The following ITPK1 variants were observed in gnomAD, a reference collection of about 807,000 sequenced individuals.
ITPK1 encodes the protein inositol 1,3,4-trisphosphate 5/6-kinase.
ITPK1 carries 21 observed loss-of-function variants against 45.3 expected under a neutral mutation model. The ratio of observed to expected loss-of-function variants is 0.46; its 90% confidence interval spans 0.33 to 0.67. ITPK1 has a LOEUF of 0.67. Among genes scored for constraint, ITPK1 ranks in the 30% least tolerant of loss-of-function variants. The probability of loss-of-function intolerance (pLI) is 0.02; values close to 1 mark genes in which losing one functional copy is unlikely to be tolerated. For missense variants in ITPK1, 474 were observed against 573.5 expected, an observed-to-expected ratio of 0.83 and a Z score of 1.77; for synonymous variants, 258 against 253.6, an observed-to-expected ratio of 1.02 and a Z score of -0.16.
intron 2 of ITPK1, among the ~76,000 whole-genome samples, chr14:93,095,597 A>C (rs1287138199): frequency 2.1e-5 from 3 of 139,884 alleles, no homozygotes; most frequent in African/African-American, 5.7e-5. Context: ...TTTTTTAATA[A>C]ATTCAACTTT....
chr14:92,997,054 C>T (rs1364579675), intron 4 of ITPK1, among the ~76,000 whole-genome samples: 2 of 152,198 alleles, frequency 1.3e-5, no homozygotes, highest in African/African-American at 4.8e-5. Flanking sequence ...CATTCTAGAA[C>T]GGGATGGACC....
At chr14:92,948,845 G>C (rs1290017641) in intron 9 of ITPK1, among the ~76,000 whole-genome samples, 4 of 124,078 alleles carry the variant, frequency 3.2e-5, no homozygotes, top group African/African-American at 1.5e-4. Flanking sequence ...CACGCTCCAA[G>C]TCCGGGCGCC....
chr14:92,957,089 C>T (rs745388993), intron 8 of ITPK1, among the ~76,000 whole-genome samples: 2 of 152,226 alleles, frequency 1.3e-5, no homozygotes, highest in East Asian at 3.9e-4. Context: ...AGAGGGCAAC[C>T]GCAGCACTGC....
At chr14:93,101,102 G>A (rs913500351) in intron 2 of ITPK1, among the ~76,000 whole-genome samples, 5 of 152,274 alleles carry the variant, frequency 3.3e-5, no homozygotes, top group Non-Finnish European at 5.9e-5. Flanking sequence ...CATCCTGGCC[G>A]GGATGGGGTC....
intron 5 of ITPK1, among the ~76,000 whole-genome samples, chr14:92,987,404 G>A (rs973913532): frequency 3.9e-5 from 6 of 152,156 alleles, no homozygotes; most frequent in Non-Finnish European, 7.3e-5. Context: ...CTGAGAGCCC[G>A]GCCAGCAGGA....
intron 4 of ITPK1, among the ~76,000 whole-genome samples, chr14:92,996,360 A>T (rs553333319): frequency 6.7e-6 from 1 of 148,506 alleles, no homozygotes; most frequent in Admixed American, 6.7e-5. Flanking sequence ...GCATGTTCTC[A>T]CTCATAGGTG....
chr14:93,068,352 C>T (rs1890844288), intron 3 of ITPK1: 1 of 152,340 alleles, frequency 6.6e-6, no homozygotes, highest in Admixed American at 6.5e-5. Flanking sequence ...GAGCCAGCCC[C>T]CCAAGCCCGT....
chr14:93,087,420 G>T (rs548885712), intron 2 of ITPK1, among the ~76,000 whole-genome samples: 3 of 152,232 alleles, frequency 2.0e-5, no homozygotes, highest in Admixed American at 2.0e-4. Context: ...AGGCTAAGGC[G>T]AGAGGATCAC....
At chr14:93,082,098 G>A (rs1034194205) in intron 2 of ITPK1, among the ~76,000 whole-genome samples, 124 of 152,136 alleles carry the variant, frequency 8.2e-4, no homozygotes, top group African/African-American at 3.0e-3. Flanking sequence ...TGTGACCAGT[G>A]GAAGCAGGAT....
chr14:92,938,589 C>G lies in ITPK1; in HGVS notation c.*2972G>C, dbSNP rs1887216742. On this transcript the variant is annotated 3_prime_UTR_variant, in exon 11 of 11. Transcript: ENST00000267615. ...CTCCTTTATTGACAGGCATGAGACA[C>G]AGGCAGGCCCAGGCACAGGAAGCCC... The G allele has an allele frequency of 7.6e-7, 1 of 1,317,318 alleles. No homozygotes were observed. Among genetic ancestry groups the G allele is most frequent in the South Asian group, 1.2e-5 (1 of 82,896 alleles). The allele number at this position is 1,317,318 out of a possible 1,614,324, so 81.6% of individuals were successfully genotyped here.
rs189246707 is a variant in ITPK1, at chr14:93,083,801, C to A, written c.96-7182G>T. On this transcript the variant is annotated intron_variant, in intron 2 of 10. Transcript: ENST00000267615. Reference sequence around the variant, plus strand: ...ATCCCCACATCACCACCTGACCCCCCAGGTCAGCTCCTCTGGAGAAACCTG... The same window carrying A: ...ATCCCCACATCACCACCTGACCCCCAAGGTCAGCTCCTCTGGAGAAACCTG... 1.3e-3 allele frequency among the ~76,000 whole-genome samples: 191 copies of A among 152,290 alleles called. 2 individuals carry two copies. Among genetic ancestry groups the A allele is most frequent in the African/African-American group, 4.4e-3 (182 of 41,552 alleles).
chr14:93,092,668 T>C (rs1190404062), intron 2 of ITPK1, among the ~76,000 whole-genome samples: 3 of 152,198 alleles, frequency 2.0e-5, no homozygotes, highest in African/African-American at 4.8e-5. Flanking sequence ...ATCCAGTAGG[T>C]GGAGGCCAGG....
At position 92,941,897 on chromosome 14, in the gene ITPK1, C is replaced by T. The variant is rs1212296762; in HGVS notation, c.909G>A (p.Glu303=). ...VIDINAFPGY[E]GVSEFFTDLL... is the part of the protein sequence containing the mutation. ...GGTCTGTGAAGAACTCGCTCACGCC[C>T]TCGTAGCCTGGGGGTGGGAGAGAGA... The change falls in exon 11 of 11, where the codon GAG becomes GAA. Residue 303 remains glutamate (E), a synonymous_variant. Coordinates refer to ENST00000267615, the MANE Select transcript of ITPK1 (RefSeq NM_014216.6). The T allele has an allele frequency of 1.9e-6, 3 of 1,611,572 alleles. No individual in the cohort carries two copies. Among genetic ancestry groups the T allele is most frequent in the Non-Finnish European group, 2.5e-6 (3 of 1,179,666 alleles).
intron 4 of ITPK1, among the ~76,000 whole-genome samples, chr14:93,000,036 A>G (rs889327784): frequency 3.3e-5 from 5 of 152,140 alleles, no homozygotes; most frequent in Non-Finnish European, 7.4e-5. Context: ...TTTTGCTCAC[A>G]TCGTGTTTTA....
intron 2 of ITPK1, among the ~76,000 whole-genome samples, chr14:93,093,449 G>A (rs746619517): frequency 7.9e-5 from 12 of 152,094 alleles, no homozygotes; most frequent in East Asian, 1.9e-4. Flanking sequence ...CTCTTCCCCC[G>A]CTCCCCAACC....
intron 5 of ITPK1, among the ~76,000 whole-genome samples, chr14:92,990,989 G>C (rs996797615): frequency 6.6e-6 from 1 of 152,068 alleles, no homozygotes; most frequent in Non-Finnish European, 1.5e-5. Flanking sequence ...TCTGAAAACA[G>C]AGCAGTCTTA....
intron 3 of ITPK1, among the ~76,000 whole-genome samples, chr14:93,050,921 G>A (rs373413357): frequency 3.9e-5 from 6 of 152,236 alleles, no homozygotes; most frequent in South Asian, 2.1e-4. Flanking sequence ...CACGCCTTGC[G>A]GTGCTGGAAG....
chr14:93,074,614 C>G (rs950639866), intron 3 of ITPK1, among the ~76,000 whole-genome samples: 3 of 152,172 alleles, frequency 2.0e-5, no homozygotes, highest in Non-Finnish European at 2.9e-5. Flanking sequence ...CCCCATGGAC[C>G]CTCCCAAGTG....
At chr14:92,985,590 T>C (rs907510158) in intron 5 of ITPK1, among the ~76,000 whole-genome samples, 1 of 151,856 alleles carries the variant, frequency 6.6e-6, no homozygotes, top group South Asian at 2.1e-4. Context: ...GAAGACACTC[T>C]TGTTTGGGGA....
Sources: gnomAD v4.1 joint callset for allele counts (sites outside exome capture counted in the v4.1 genomes callset) on GRCh38, gnomAD v4.1.1 for gene constraint, MANE v1.5 for transcripts, NCBI Gene and HGNC (gene_info 2026-07-23, HGNC 2026-07-21) for gene names.